The following RSPO2 variants were observed in gnomAD, a reference collection of about 807,000 sequenced individuals.
The protein encoded by RSPO2 is R-spondin 2, also known as R-spondin-2.
RSPO2 carries 14 observed loss-of-function variants against 30.9 expected under a neutral mutation model. The ratio of observed to expected loss-of-function variants is 0.45; its 90% CI spans 0.30 to 0.71. The LOEUF is 0.71. RSPO2 is among the 30% of genes least tolerant of loss of function. The probability of loss-of-function intolerance (pLI) is 0.08; values close to 1 mark genes in which losing one functional copy is unlikely to be tolerated. For synonymous variants in RSPO2, 107 were observed against 96.4 expected, an observed-to-expected ratio of 1.11 and a Z score of -0.64; for missense variants, 264 against 301.9, an observed-to-expected ratio of 0.87 and a Z score of 0.93.
chr8:108,011,324 A>C (rs6999157), intron 2 of RSPO2, among the ~76,000 whole-genome samples: 1 of 151,994 alleles, frequency 6.6e-6, no homozygotes, highest in Non-Finnish European at 1.5e-5. Context: ...CATACACACA[A>C]AAAATCGTAA....
At chr8:108,002,595 C>G (rs1374206267) in intron 2 of RSPO2, among the ~76,000 whole-genome samples, 1 of 152,066 alleles carries the variant, frequency 6.6e-6, no homozygotes, top group Non-Finnish European at 1.5e-5. Context: ...CACCTGCTTC[C>G]TAGAATAGAA....
intron 5 of RSPO2, among the ~76,000 whole-genome samples, chr8:107,910,053 G>C (rs1811772738): frequency 6.6e-6 from 1 of 152,176 alleles, no homozygotes; most frequent in Admixed American, 6.5e-5. Context: ...CATCAGGTTT[G>C]CAGAGAAAAT....
intron 2 of RSPO2, among the ~76,000 whole-genome samples, chr8:108,053,281 C>T (rs1812130194): frequency 6.6e-6 from 1 of 152,160 alleles, no homozygotes. Context: ...TGTTCATCTC[C>T]TCTGGCCTGT....
chr8:108,054,210 C>T (rs192498446), intron 2 of RSPO2, among the ~76,000 whole-genome samples: 16 of 152,274 alleles, frequency 1.1e-4, no homozygotes, highest in Middle Eastern at 3.4e-3. Flanking sequence ...ACAGTGCTAG[C>T]TTCTTAGAGG....
chr8:107,978,896 A>G (rs1814316804), intron 3 of RSPO2, among the ~76,000 whole-genome samples: 1 of 152,234 alleles, frequency 6.6e-6, no homozygotes, highest in African/African-American at 2.4e-5. Context: ...TTCTCAAAAG[A>G]AGACATTTAT....
At chr8:108,046,976 C>T (rs747171023) in intron 2 of RSPO2, among the ~76,000 whole-genome samples, 13 of 151,878 alleles carry the variant, frequency 8.6e-5, no homozygotes, top group Non-Finnish European at 1.5e-4. Context: ...GGGAAAAAGT[C>T]AAGAAAGGTT....
chr8:108,035,462 GTTTGTT>G lies in RSPO2; in HGVS notation c.95-46224_95-46219del, dbSNP rs570424877. 4.1e-3 allele frequency among the ~76,000 whole-genome samples: 627 copies of G among 151,890 alleles called. 4 individuals carry two copies. Among genetic ancestry groups the G allele is most frequent in the Non-Finnish European group, 5.7e-3 (385 of 67,920 alleles). ...TTTGTTTTGTTTTTTTGTTTTGTTT[GTTTGTT>G]TTTGTTTTTGTTTTTGTTTTGAGAC... On this transcript the variant is annotated intron_variant, in intron 2 of 5. Coordinates refer to ENST00000276659, the MANE Select transcript of RSPO2 (RefSeq NM_178565.5).
intron 3 of RSPO2, among the ~76,000 whole-genome samples, chr8:107,972,488 C>A (rs77698371): frequency 1.4e-3 from 208 of 152,132 alleles, no homozygotes; most frequent in African/African-American, 4.6e-3. Flanking sequence ...CTGTAACAAA[C>A]AAAAATACTT....
rs56727719 is a variant in RSPO2, at chr8:108,057,055, C to CAAAAAAAA, written c.94+25482_94+25489dup. Among the ~76,000 whole-genome samples the CAAAAAAAA allele has an allele frequency of 3.4e-3, 123 of 36,084 alleles. 15 individuals carry two copies. Among genetic ancestry groups the CAAAAAAAA allele is most frequent in the Admixed American group, 6.5e-3 (11 of 1,694 alleles). 23.7% of individuals were successfully genotyped at this position (36,084 alleles called of 152,430 possible). On this transcript the variant is annotated intron_variant, in intron 2 of 5. Coordinates refer to ENST00000276659, the MANE Select transcript of RSPO2 (RefSeq NM_178565.5). ...CTGGCAACAGAGTGAGACTCTGTCT[C>CAAAAAAAA]AAAAAAAAAAAAAAAAAAAAAAAAA...
intron 2 of RSPO2, among the ~76,000 whole-genome samples, chr8:107,992,389 C>A (rs751149595): frequency 1.4e-4 from 22 of 152,032 alleles, no homozygotes; most frequent in Non-Finnish European, 2.5e-4. Context: ...AAACAACAGA[C>A]CCTGGTGCCT....
At chr8:108,003,269 GTGTGTGTGTATATATA>G (rs1263906219) in intron 2 of RSPO2, among the ~76,000 whole-genome samples, 12 of 87,022 alleles carry the variant, frequency 1.4e-4, no homozygotes, top group African/African-American at 4.3e-4. Flanking sequence ...GTGTGTGTGT[GTGTGTGTGTATATATA>G]TATATATATA....
chr8:107,912,388 G>A (rs1055922032), intron 5 of RSPO2, among the ~76,000 whole-genome samples: 1 of 152,102 alleles, frequency 6.6e-6, no homozygotes, highest in African/African-American at 2.4e-5. Context: ...CCTTCCCTGG[G>A]ATCTATTTGT....
At chr8:108,027,416 G>A (rs1811258726) in intron 2 of RSPO2, among the ~76,000 whole-genome samples, 1 of 152,130 alleles carries the variant, frequency 6.6e-6, no homozygotes, top group South Asian at 2.1e-4. Flanking sequence ...TTTTCCAAAT[G>A]AAGTATCTAT....
intron 2 of RSPO2, among the ~76,000 whole-genome samples, chr8:108,035,638 T>G (rs1811572851): frequency 6.6e-6 from 1 of 151,878 alleles, no homozygotes; most frequent in South Asian, 2.1e-4. Flanking sequence ...GCCCGGCTAA[T>G]TTTTTTGTAT....
At position 107,960,680 on chromosome 8, in the gene RSPO2, A is replaced by G. The variant is rs368950936; in HGVS notation, c.421T>C (p.Cys141Arg). 53 of 1,609,870 alleles carry G rather than the reference A, an allele frequency of 3.3e-5. No individual in the cohort carries two copies. The highest frequency in any genetic ancestry group is 4.2e-5 in the Non-Finnish European group (49 of 1,179,034). Reference protein sequence around the residue: ...GFAPLEETMECVEGCEVGHWS... With the variant: ...GFAPLEETMERVEGCEVGHWS... ...TACATTAAAAACTACTCACCCACACATTCCATGGTTTCTTCTAATGGTGCA... is the reference window on the plus strand; with the variant it reads ...TACATTAAAAACTACTCACCCACACGTTCCATGGTTTCTTCTAATGGTGCA... The change falls in exon 4 of 6, where the codon TGT becomes CGT. Residue 141 changes from cysteine (C) to arginine (R), a missense_variant. Coordinates refer to ENST00000276659, the MANE Select transcript of RSPO2 (RefSeq NM_178565.5).
At chr8:108,036,710 T>C (rs529188101) in intron 2 of RSPO2, among the ~76,000 whole-genome samples, 1 of 152,344 alleles carries the variant, frequency 6.6e-6, no homozygotes, top group South Asian at 2.1e-4. Context: ...GGTTGTTGTT[T>C]TATATATTGA....
intron 5 of RSPO2, among the ~76,000 whole-genome samples, chr8:107,933,266 A>G (rs1240363440): frequency 6.6e-6 from 1 of 152,190 alleles, no homozygotes; most frequent in Non-Finnish European, 1.5e-5. Flanking sequence ...TAGCATTACA[A>G]CCTAGTCCAT....
chr8:107,983,825 T>C (rs1814533703), intron 3 of RSPO2: 1 of 1,604,822 alleles, frequency 6.2e-7, no homozygotes, highest in Non-Finnish European at 8.5e-7. Flanking sequence ...CAGAAACTGC[T>C]ACAGCCTCCT....
chr8:107,956,665 T>G (rs1813444041), intron 5 of RSPO2, among the ~76,000 whole-genome samples: 1 of 152,200 alleles, frequency 6.6e-6, no homozygotes, highest in Admixed American at 6.6e-5. Flanking sequence ...ATTTTCAGTT[T>G]AATTTTTTCT....
Sources: gnomAD v4.1 joint callset for allele counts (sites outside exome capture counted in the v4.1 genomes callset) on GRCh38, gnomAD v4.1.1 for gene constraint, MANE v1.5 for transcripts, NCBI Gene and HGNC (gene_info 2026-07-23, HGNC 2026-07-21) for gene names.